The following CD109 variants were observed in gnomAD, a reference collection of about 807,000 sequenced individuals.
The protein encoded by CD109 is CD109 antigen.
Under a neutral mutation model 165.8 loss-of-function variants are expected in CD109, and 149 were observed. The ratio of observed to expected loss-of-function variants is 0.90; its 90% CI spans 0.79 to 1.03. The LOEUF (loss-of-function observed/expected upper bound fraction) is 1.03, where lower values mean the gene tolerates loss of function less well. Ranked by LOEUF, CD109 falls within the 50% of genes least tolerant of loss-of-function variation. The probability of loss-of-function intolerance (pLI) is 0.00; values close to 1 mark genes in which losing one functional copy is unlikely to be tolerated. For synonymous variants in CD109, 585 were observed against 592.1 expected, an observed-to-expected ratio of 0.99 and a Z score of 0.18; for missense variants, 1,712 against 1,677.8, an observed-to-expected ratio of 1.02 and a Z score of -0.36.
Position 73,826,752 on chromosome 6 carries a change from A to G in CD109, c.*3119A>G, listed in dbSNP as rs796831309. 2.6e-5 allele frequency: 4 copies of G among 152,086 alleles called. No individual in the cohort carries two copies. The highest frequency in any genetic ancestry group is 9.6e-5 in the African/African-American group (4 of 41,488). The allele number at this position is 152,086 out of a possible 1,614,324, so 9.4% of individuals were successfully genotyped here. On this transcript the variant is annotated 3_prime_UTR_variant, in exon 33 of 33. Coordinates refer to ENST00000287097, the MANE Select transcript of CD109 (RefSeq NM_133493.5). ...CAGATATATTTCTGTTACCTAGGAG[A>G]TGTTACTTACATATGTAATACTGTA...
upstream of CD109, chr6:73,694,541 C>T (rs1770758305): frequency 6.6e-6 from 1 of 152,180 alleles, no homozygotes. Flanking sequence ...TATTAATCCA[C>T]CTTTATGAAG....
chr6:73,748,028 C>T (rs1436949373), intron 5 of CD109, among the ~76,000 whole-genome samples: 1 of 152,006 alleles, frequency 6.6e-6, no homozygotes, highest in East Asian at 1.9e-4. Context: ...TGCCACCATG[C>T]CCGGCTAATT....
At chr6:73,762,942 T>A in intron 9 of CD109, 60 bp downstream of exon 9, 2 of 1,407,584 alleles carry the variant, frequency 1.4e-6, no homozygotes. Flanking sequence ...ATCATCTTTC[T>A]TATTATAACT....
intron 17 of CD109, 61 bp downstream of exon 17, chr6:73,781,380 T>C (rs1774490706): frequency 1.5e-6 from 2 of 1,319,958 alleles, no homozygotes; most frequent in Non-Finnish European, 2.2e-6. Context: ...ACATTACTTA[T>C]ATAGGTATGG....
intron 2 of CD109, among the ~76,000 whole-genome samples, chr6:73,703,353 A>G (rs905791388): frequency 6.6e-6 from 1 of 152,266 alleles, no homozygotes; most frequent in Non-Finnish European, 1.5e-5. Flanking sequence ...ACAAAATGAA[A>G]TGCCAGCTCT....
At chr6:73,712,419 T>C (rs1009064575) in intron 2 of CD109, among the ~76,000 whole-genome samples, 8 of 152,150 alleles carry the variant, frequency 5.3e-5, no homozygotes, top group African/African-American at 1.9e-4. Context: ...CTGCCAAAAA[T>C]AATTAAGCAG....
At position 73,765,866 on chromosome 6, in the gene CD109, G is replaced by A. The variant is rs796836353; in HGVS notation, c.1108-64G>A. ...TCAATTTCATGAGAATACTACAGACGGAAACTGTATTTAATCGTACTTAAA... is the reference window on the plus strand; with the variant it reads ...TCAATTTCATGAGAATACTACAGACAGAAACTGTATTTAATCGTACTTAAA... On this transcript the variant is annotated intron_variant, in intron 10 of 32. Coordinates refer to ENST00000287097, the MANE Select transcript of CD109 (RefSeq NM_133493.5). 15 of 1,178,036 alleles carry A rather than the reference G, an allele frequency of 1.3e-5. 1 individual carries two copies. The highest frequency in any genetic ancestry group is 1.5e-5 in the African/African-American group (1 of 65,078). The allele number at this position is 1,178,036 out of a possible 1,614,324, so 73.0% of individuals were successfully genotyped here.
At chr6:73,711,014 C>G (rs1019403793) in intron 2 of CD109, among the ~76,000 whole-genome samples, 2 of 152,142 alleles carry the variant, frequency 1.3e-5, no homozygotes, top group African/African-American at 4.8e-5. Flanking sequence ...TTCCCCCCAG[C>G]TATTTAGAAA....
intron 4 of CD109, among the ~76,000 whole-genome samples, chr6:73,735,641 A>C (rs1021181492): frequency 6.6e-6 from 1 of 152,196 alleles, no homozygotes; most frequent in Admixed American, 6.5e-5. Flanking sequence ...TTTTCCATGT[A>C]TATCCGTGAT....
intron 2 of CD109, among the ~76,000 whole-genome samples, chr6:73,705,284 G>A (rs1220039671): frequency 6.6e-6 from 1 of 152,116 alleles, no homozygotes; most frequent in African/African-American, 2.4e-5. Flanking sequence ...GCACAAGAGA[G>A]ACAGAGCTCA....
chr6:73,776,550 G>C (rs973350443), intron 15 of CD109, among the ~76,000 whole-genome samples: 4 of 141,990 alleles, frequency 2.8e-5, no homozygotes, highest in African/African-American at 1.1e-4. Flanking sequence ...CCACGCAAGT[G>C]GCCTTTTTTT....
rs556035551 is a variant in CD109, at chr6:73,710,431, C to T, written c.248-12820C>T. Among the ~76,000 whole-genome samples, 18 of 152,044 alleles carry T rather than the reference C, an allele frequency of 1.2e-4. No homozygotes were observed. The South Asian group carries it at 2.7e-3, about 23-fold the overall frequency. On this transcript the variant is annotated intron_variant, in intron 2 of 32. Transcript: ENST00000287097. Reference sequence around the variant, plus strand: ...AGGAGAACTACAAACCACTGCTCAACGAAATAAAGGAGGACACAAACAAAT... The same window carrying T: ...AGGAGAACTACAAACCACTGCTCAATGAAATAAAGGAGGACACAAACAAAT...
intron 12 of CD109, 33 bp downstream of exon 12, chr6:73,766,893 A>C: frequency 6.2e-7 from 1 of 1,606,722 alleles, no homozygotes. Context: ...GAATTACAAT[A>C]TAATTGGACT....
chr6:73,742,178 C>G (rs1274690337), intron 5 of CD109, among the ~76,000 whole-genome samples: 1 of 150,790 alleles, frequency 6.6e-6, no homozygotes, highest in African/African-American at 2.5e-5. Context: ...ACTCTCCATT[C>G]CCTCCCACCC....
intron 5 of CD109, among the ~76,000 whole-genome samples, chr6:73,754,845 A>G (rs555377761): frequency 5.0e-4 from 76 of 152,328 alleles, no homozygotes; most frequent in African/African-American, 1.6e-3. Flanking sequence ...AACACAGTGC[A>G]TGAAACCCCA....
At chr6:73,750,528 T>G (rs1773150331) in intron 5 of CD109, among the ~76,000 whole-genome samples, 1 of 152,156 alleles carries the variant, frequency 6.6e-6, no homozygotes, top group Non-Finnish European at 1.5e-5. Flanking sequence ...ACCGAGCATC[T>G]TCTGGGGTCA....
At chr6:73,740,250 G>A (rs955217996) in intron 5 of CD109, among the ~76,000 whole-genome samples, 3 of 152,154 alleles carry the variant, frequency 2.0e-5, no homozygotes, top group Non-Finnish European at 2.9e-5. Flanking sequence ...CCCACTGATG[G>A]ACAATCTCTT....
intron 18 of CD109, among the ~76,000 whole-genome samples, chr6:73,783,467 C>T (rs189268380): frequency 8.5e-5 from 13 of 152,122 alleles, no homozygotes; most frequent in African/African-American, 2.9e-4. Flanking sequence ...GTAAATTTTG[C>T]AGGAAGATTT....
At position 73,792,746 on chromosome 6, in the gene CD109, A is replaced by C. The variant is rs374338025; in HGVS notation, c.2822A>C (p.Lys941Thr). Reference sequence around the variant, plus strand: ...ATTTACATTTTGGATTATCTGACTAAAAAGAAACAACTGACAGATAATTTG... The same window carrying C: ...ATTTACATTTTGGATTATCTGACTACAAAGAAACAACTGACAGATAATTTG... ...PNIYILDYLT[K>T]KKQLTDNLKE... The change falls in exon 23 of 33, where the codon AAA becomes ACA. Residue 941 changes from lysine (K) to threonine (T), a missense_variant. Transcript: ENST00000287097. 6.2e-7 allele frequency: 1 copy of C among 1,612,578 alleles called. No homozygotes were observed. Among genetic ancestry groups the C allele is most frequent in the African/African-American group, 1.3e-5 (1 of 74,928 alleles).
Sources: allele counts gnomAD v4.1 joint callset (sites outside exome capture counted in the v4.1 genomes callset), GRCh38; gene constraint gnomAD v4.1.1; transcripts MANE v1.5; gene names NCBI Gene and HGNC (gene_info 2026-07-23, HGNC 2026-07-21).